Variants in MEGF9 observed in about 807,000 individuals in gnomAD.
MEGF9 encodes the protein multiple epidermal growth factor-like domains protein 9.
In MEGF9, 6 loss-of-function variants were observed where a neutral mutation model predicts 46.8. The ratio of observed to expected loss-of-function variants is 0.13; its 90% CI spans 0.07 to 0.25. MEGF9 has a LOEUF of 0.25. Among genes scored for constraint, MEGF9 ranks in the 10% least tolerant of loss-of-function variants. MEGF9 has a pLI of 1.00. For synonymous variants in MEGF9, 302 were observed against 330.7 expected (o/e 0.91, Z 0.94); for missense variants, 683 against 792.4 (o/e 0.86, Z 1.66).
intron 3 of MEGF9, 111 bp downstream of exon 3, chr9:120,622,505 A>G: frequency 8.9e-7 from 1 of 1,118,654 alleles, no homozygotes; most frequent in African/African-American, 1.6e-5. Context: ...TCCTACTTAG[A>G]AGATAAAGGC....
chr9:120,646,489 C>T (rs1422550294), intron 2 of MEGF9, among the ~76,000 whole-genome samples: 1 of 152,170 alleles, frequency 6.6e-6, no homozygotes, highest in Non-Finnish European at 1.5e-5. Flanking sequence ...TCTGTAAAGT[C>T]CTTTCTCATC....
chr9:120,645,871 G>A (rs1011837369), intron 2 of MEGF9, among the ~76,000 whole-genome samples: 7 of 152,182 alleles, frequency 4.6e-5, no homozygotes, highest in Non-Finnish European at 4.4e-5. Flanking sequence ...ACACTCAGCA[G>A]CAAGGCTAAT....
intron 1 of MEGF9, chr9:120,691,453 T>G (rs1309367225): frequency 8.2e-6 from 4 of 485,328 alleles, no homozygotes; most frequent in Non-Finnish European, 1.7e-5. Context: ...TTGGGGCATC[T>G]TTGCCACAGG....
intron 1 of MEGF9, among the ~76,000 whole-genome samples, chr9:120,661,285 G>A (rs141398710): frequency 1.7e-3 from 265 of 152,270 alleles, no homozygotes; most frequent in African/African-American, 6.0e-3. Context: ...AGGCCAAGGT[G>A]GGCAGATCAC....
At chr9:120,661,324 G>A (rs2043700621) in intron 1 of MEGF9, among the ~76,000 whole-genome samples, 1 of 152,110 alleles carries the variant, frequency 6.6e-6, no homozygotes, top group Non-Finnish European at 1.5e-5. Context: ...GACCAGCCTG[G>A]GCAACATAGT....
At chr9:120,680,591 A>C (rs1290308509) in intron 1 of MEGF9, among the ~76,000 whole-genome samples, 4 of 151,842 alleles carry the variant, frequency 2.6e-5, no homozygotes, top group Non-Finnish European at 5.9e-5. Flanking sequence ...CCACCACAGC[A>C]CTGGATCTCT....
chr9:120,652,231 A>G (rs1272204036), intron 2 of MEGF9, among the ~76,000 whole-genome samples: 1 of 138,928 alleles, frequency 7.2e-6, no homozygotes, highest in East Asian at 2.2e-4. Context: ...CCTGCCTGCA[A>G]TCCCAGAACT....
At chr9:120,688,133 ACACACACAC>A (rs2043831903) in intron 1 of MEGF9, among the ~76,000 whole-genome samples, 55 of 30,316 alleles carry the variant, frequency 1.8e-3, no homozygotes, top group African/African-American at 6.4e-3. Flanking sequence ...TCTCCGCAAC[ACACACACAC>A]ACACACACAC....
intron 3 of MEGF9, among the ~76,000 whole-genome samples, chr9:120,615,109 C>T (rs2043465443): frequency 6.6e-6 from 1 of 151,686 alleles, no homozygotes; most frequent in Non-Finnish European, 1.5e-5. Flanking sequence ...TGTGGTAGTG[C>T]ATGCCTGTAA....
At chr9:120,678,899 G>T (rs1347226864) in intron 1 of MEGF9, among the ~76,000 whole-genome samples, 1 of 152,198 alleles carries the variant, frequency 6.6e-6, no homozygotes, top group Non-Finnish European at 1.5e-5. Flanking sequence ...GGCCATCAGA[G>T]AAATGCAAAT....
At position 120,711,842 on chromosome 9, in the gene MEGF9, CAT is replaced by C. The variant is rs767756377; in HGVS notation, c.601+1914_601+1915del. Among the ~76,000 whole-genome samples the C allele has an allele frequency of 1.3e-3, 181 of 140,866 alleles. 2 individuals carry two copies. The highest frequency in any genetic ancestry group is 2.0e-3 in the South Asian group (9 of 4,610). The allele number at this position is 140,866 out of a possible 152,430, so 92.4% of individuals were successfully genotyped here. On this transcript the variant is annotated intron_variant, in intron 1 of 5. Transcript: ENST00000373930. ...CTCAAATGCTTTCTATACATACATA[CAT>C]ACACACACACACACACACACACACA...
At chr9:120,691,509 A>G in intron 1 of MEGF9, 1 of 362,884 alleles carries the variant, frequency 2.8e-6, no homozygotes, top group South Asian at 2.0e-5. Context: ...TATGCACACT[A>G]GGCAAAAGCT....
At chr9:120,705,825 A>T (rs1412468605) in intron 1 of MEGF9, among the ~76,000 whole-genome samples, 3 of 152,150 alleles carry the variant, frequency 2.0e-5, no homozygotes. Context: ...CAGATAAATC[A>T]AAATGTATAC....
At chr9:120,625,269 AAAGAGT>A (rs2132305421) in intron 2 of MEGF9, among the ~76,000 whole-genome samples, 1 of 152,364 alleles carries the variant, frequency 6.6e-6, no homozygotes, top group Admixed American at 6.5e-5. Context: ...TGCAATACAG[AAAGAGT>A]AATTCATGCA....
At chr9:120,661,550 T>C (rs1771806038) in intron 1 of MEGF9, among the ~76,000 whole-genome samples, 1 of 152,094 alleles carries the variant, frequency 6.6e-6, no homozygotes, top group Admixed American at 6.6e-5. Flanking sequence ...AATAAATAAA[T>C]ATTGGCAGCT....
At chr9:120,690,794 A>G (rs562600145) in intron 1 of MEGF9, among the ~76,000 whole-genome samples, 1 of 152,180 alleles carries the variant, frequency 6.6e-6, no homozygotes, top group African/African-American at 2.4e-5. Flanking sequence ...CTAGCTAAAA[A>G]TTAGGATAGG....
chr9:120,673,460 AAAG>A (rs369196147), intron 1 of MEGF9, among the ~76,000 whole-genome samples: 2 of 152,302 alleles, frequency 1.3e-5, no homozygotes, highest in African/African-American at 4.8e-5. Flanking sequence ...TTATTGGTAA[AAAG>A]AAAAAAGAAA....
chr9:120,706,414 T>C (rs1218151194), intron 1 of MEGF9, among the ~76,000 whole-genome samples: 1 of 151,952 alleles, frequency 6.6e-6, no homozygotes, highest in African/African-American at 2.4e-5. Context: ...TATGATAAAT[T>C]TGGGGGGCCT....
chr9:120,652,169 CACACACACACACAA>C (rs1420186213), intron 2 of MEGF9, among the ~76,000 whole-genome samples: 4 of 40,584 alleles, frequency 9.9e-5, no homozygotes, highest in African/African-American at 2.7e-4. Context: ...CACACACACA[CACACACACACACAA>C]AAAAAAAAAA....
Sources: allele counts gnomAD v4.1 joint callset (sites outside exome capture counted in the v4.1 genomes callset), GRCh38; gene constraint gnomAD v4.1.1; transcripts MANE v1.5; gene names NCBI Gene and HGNC (gene_info 2026-07-23, HGNC 2026-07-21).